Variants in MRAP2 observed in about 807,000 individuals in gnomAD.
The protein encoded by MRAP2 is melanocortin-2 receptor accessory protein 2.
In MRAP2, 20 loss-of-function variants were observed where a neutral mutation model predicts 17.4. That is an observed-to-expected ratio of 1.15 (90% CI 0.81 to 1.67). The LOEUF is 1.67. Ranked by LOEUF, MRAP2 falls within the 40% of genes most tolerant of loss-of-function variation. The pLI is 0.00. For synonymous variants in MRAP2, 96 were observed against 88.4 expected (o/e 1.09, Z -0.48); for missense variants, 238 against 240.0 (o/e 0.99, Z 0.05).
At chr6:84,088,021 T>C (rs534868196) in intron 3 of MRAP2, among the ~76,000 whole-genome samples, 1 of 152,296 alleles carries the variant, frequency 6.6e-6, no homozygotes, top group East Asian at 1.9e-4. Context: ...GTTTTTCACC[T>C]CTGCCCAAAT....
chr6:84,103,355 T>C, the MRAP2 span, among the ~76,000 whole-genome samples: 5,821 of 152,258 alleles, frequency 0.038, 200 homozygotes, highest in African/African-American at 0.095. Flanking sequence ...GGTGATTAAT[T>C]TCCTGAGCCC....
At chr6:84,139,208 A>G in the MRAP2 span, among the ~76,000 whole-genome samples, 1 of 152,172 alleles carries the variant, frequency 6.6e-6, no homozygotes, top group Non-Finnish European at 1.5e-5. Context: ...TAGCCCAGAG[A>G]TGGCACCAGA....
At chr6:84,099,061 T>C in the MRAP2 span, among the ~76,000 whole-genome samples, 3 of 151,930 alleles carry the variant, frequency 2.0e-5, no homozygotes, top group African/African-American at 4.8e-5. Flanking sequence ...GCTTTTTTTT[T>C]CTAGAAGTTC....
In MRAP2 at chr6:84,044,403, T is replaced by G. The variant is rs112092081; in HGVS notation, c.-8+10520T>G. Among the ~76,000 whole-genome samples, 977 of 152,334 alleles carry G rather than the reference T, an allele frequency of 6.4e-3. 16 individuals carry two copies. Among genetic ancestry groups the G allele is most frequent in the African/African-American group, 0.022 (914 of 41,572 alleles). ...GGTTTCTCCATGTTGGTCAGGCTGG[T>G]CTTGAACTCCCGACCTCAGGTGATC... On this transcript the variant is annotated intron_variant, in intron 1 of 3. Transcript: ENST00000257776.
At chr6:84,115,763 A>G in the MRAP2 span, among the ~76,000 whole-genome samples, 1 of 152,198 alleles carries the variant, frequency 6.6e-6, no homozygotes, top group Non-Finnish European at 1.5e-5. Flanking sequence ...TGGGAAAAGT[A>G]CAACATCTGG....
At chr6:84,130,751 CTTCTT>C in the MRAP2 span, among the ~76,000 whole-genome samples, 1 of 152,004 alleles carries the variant, frequency 6.6e-6, no homozygotes, top group African/African-American at 2.4e-5. Flanking sequence ...TCTCTCTTCT[CTTCTT>C]TATTAATTTG....
chr6:84,034,177 G>A (rs1344228944), intron 1 of MRAP2, among the ~76,000 whole-genome samples: 4 of 151,982 alleles, frequency 2.6e-5, no homozygotes, highest in Non-Finnish European at 4.4e-5. Flanking sequence ...CGGGGCTTGG[G>A]TGGGCTTCCT....
chr6:84,083,906 A>T (rs2099499641), intron 3 of MRAP2, among the ~76,000 whole-genome samples: 1 of 152,206 alleles, frequency 6.6e-6, no homozygotes, highest in Non-Finnish European at 1.5e-5. Context: ...GAGACAGTGT[A>T]ACATAGTAAT....
Position 84,055,345 on chromosome 6 carries a change from C to T in MRAP2, c.27C>T (p.Asn9=), listed in dbSNP as rs1274582749. The change falls in exon 2 of 4, where the codon AAC becomes AAT. Residue 9 remains asparagine (N), a synonymous_variant. Coordinates refer to ENST00000257776, the MANE Select transcript of MRAP2 (RefSeq NM_138409.4). The part of the protein sequence containing the change: MSAQRLIS[N]RTSQQSASNS... ...TGTCCGCCCAGAGGTTAATTTCTAA[C>T]AGAACCTCCCAGCAATCGGCATCTA... is the stretch of plus-strand genomic sequence containing the variant. 3 of 1,613,538 alleles carry T rather than the reference C, an allele frequency of 1.9e-6. No individual in the cohort carries two copies. The African/African-American group carries it at 4.0e-5, about 22-fold the overall frequency.
At chr6:84,095,270 A>G (rs2497121), downstream of MRAP2, among the ~76,000 whole-genome samples, 55,071 of 152,072 alleles carry the variant, frequency 0.36, 12,657 homozygotes, top group African/African-American at 0.66. Context: ...AACCTGCTCT[A>G]TGCTCCAGAG....
At chr6:84,117,651 CTGTGTGT>C in the MRAP2 span, among the ~76,000 whole-genome samples, 1 of 105,128 alleles carries the variant, frequency 9.5e-6, no homozygotes, top group Admixed American at 9.2e-5. Context: ...GGGTGTGTGT[CTGTGTGT>C]GTGTGTGTGT....
At chr6:84,122,998 C>T in the MRAP2 span, among the ~76,000 whole-genome samples, 1 of 151,798 alleles carries the variant, frequency 6.6e-6, no homozygotes, top group Admixed American at 6.6e-5. Flanking sequence ...CACACACACA[C>T]GCACACACAC....
intron 2 of MRAP2, among the ~76,000 whole-genome samples, chr6:84,057,929 T>C (rs77251513): frequency 0.016 from 2,499 of 152,222 alleles, 25 homozygotes; most frequent in Middle Eastern, 0.068. Flanking sequence ...ATAATATATC[T>C]GGGGGAAGAA....
chr6:84,045,369 A>G, intron 1 of MRAP2: 1 of 985,328 alleles, frequency 1.0e-6, no homozygotes, highest in South Asian at 4.7e-5. Context: ...TGGAGTAGGC[A>G]AGCCTGCCCC....
At chr6:84,119,169 T>C in the MRAP2 span, among the ~76,000 whole-genome samples, 2 of 152,216 alleles carry the variant, frequency 1.3e-5, no homozygotes, top group Non-Finnish European at 2.9e-5. Flanking sequence ...CTGAGGTCTT[T>C]TGTGGTTCCA....
chr6:84,107,405 C>T, the MRAP2 span, among the ~76,000 whole-genome samples: 3 of 152,114 alleles, frequency 2.0e-5, no homozygotes. Context: ...GGTAGAAGGA[C>T]CCAGAATTTT....
chr6:84,125,144 G>A, the MRAP2 span: 4 of 1,613,408 alleles, frequency 2.5e-6, no homozygotes, highest in Admixed American at 6.7e-5. Context: ...AGCTCTCGGA[G>A]AACATCTAAT....
chr6:84,061,640 G>T, intron 2 of MRAP2: 3 of 307,958 alleles, frequency 9.7e-6, no homozygotes, highest in Non-Finnish European at 1.4e-5. Context: ...GGGAAAAGTT[G>T]TTCCAGCCAG....
intron 1 of MRAP2, among the ~76,000 whole-genome samples, chr6:84,041,967 C>T (rs2099487703): frequency 6.6e-6 from 1 of 152,036 alleles, no homozygotes. Flanking sequence ...TGGGAGGGGC[C>T]AAGAGTGTAA....
Sources: allele counts gnomAD v4.1 joint callset (sites outside exome capture counted in the v4.1 genomes callset), GRCh38; gene constraint gnomAD v4.1.1; transcripts MANE v1.5; gene names NCBI Gene and HGNC (gene_info 2026-07-23, HGNC 2026-07-21).